ROBO1: variants seen among roughly 807,000 people sequenced by gnomAD.
ROBO1 encodes roundabout guidance receptor 1, also known as roundabout homolog 1.
In ROBO1, 149 loss-of-function variants were observed where a neutral mutation model predicts 195.9. The observed-to-expected ratio is 0.76, with a 90% CI of 0.67 to 0.87. The LOEUF (loss-of-function observed/expected upper bound fraction) is 0.87. Ranked by LOEUF, ROBO1 falls within the 40% of genes least tolerant of loss-of-function variation. The pLI is 0.00. For synonymous variants in ROBO1, 816 were observed against 733.2 expected, an observed-to-expected ratio of 1.11 and a Z score of -1.82; for missense variants, 1,933 against 2,068.3, an observed-to-expected ratio of 0.93 and a Z score of 1.27.
chr3:79,404,290 T>C (rs925837345), intron 2 of ROBO1, among the ~76,000 whole-genome samples: 1 of 152,122 alleles, frequency 6.6e-6, no homozygotes, highest in Admixed American at 6.6e-5. Context: ...CATTTACTTT[T>C]CCTTCATCTG....
intron 14 of ROBO1, 68 bp from the exon 15 acceptor site, chr3:78,662,182 AAAC>A: frequency 6.8e-7 from 1 of 1,469,402 alleles, no homozygotes; most frequent in Non-Finnish European, 9.2e-7. Flanking sequence ...AAGCATGGTG[AAAC>A]AAACTGTTCA....
rs202246939 is a variant in ROBO1, at chr3:78,634,013, T to C, written c.3403A>G (p.Thr1135Ala). Reference protein sequence around the residue: ...DYRANDTVPPTIPYNQSYDQN... With the variant: ...DYRANDTVPPAIPYNQSYDQN... ...TCGTATGATTGGTTGTATGGGATAG[T>C]TGGAGGAACTGTGTCATTTGCTCGA... Residue 1135 changes from threonine (T) to alanine (A), a missense_variant, in exon 24 of 31, where the codon ACT (threonine) becomes GCT (alanine). This residue lies in a region of ROBO1 where 1,737 missense variants were observed against 1,882.5 expected (regional missense o/e 0.92). Coordinates refer to ENST00000464233, the MANE Select transcript of ROBO1 (RefSeq NM_002941.4). 1.1e-4 allele frequency: 184 copies of C among 1,611,396 alleles called. 3 individuals are homozygous for C. The South Asian group carries it at 1.6e-3, about 14-fold the overall frequency.
intron 4 of ROBO1, among the ~76,000 whole-genome samples, chr3:78,903,781 T>C (rs2037729525): frequency 6.6e-6 from 1 of 152,150 alleles, no homozygotes; most frequent in Non-Finnish European, 1.5e-5. Context: ...TCCATTCTTT[T>C]CTATATGTTT....
intron 1 of ROBO1, among the ~76,000 whole-genome samples, chr3:79,649,095 A>G (rs1294098088): frequency 6.6e-6 from 1 of 152,076 alleles, no homozygotes; most frequent in African/African-American, 2.4e-5. Context: ...CCCCACTTCA[A>G]ATCTATTATG....
intron 2 of ROBO1, among the ~76,000 whole-genome samples, chr3:79,286,850 A>C (rs2031917181): frequency 6.6e-6 from 1 of 152,214 alleles, no homozygotes; most frequent in Non-Finnish European, 1.5e-5. Context: ...GTAAGGATTT[A>C]ATTACATGGT....
chr3:79,577,760 A>ACACACAC (rs1560010007), intron 2 of ROBO1, among the ~76,000 whole-genome samples: 1 of 148,314 alleles, frequency 6.7e-6, no homozygotes, highest in South Asian at 2.1e-4. Flanking sequence ...ACACACACAC[A>ACACACAC]AAATTGCTGG....
At chr3:78,643,728 A>G (rs1203140271) in intron 21 of ROBO1, among the ~76,000 whole-genome samples, 2 of 152,184 alleles carry the variant, frequency 1.3e-5, no homozygotes, top group Non-Finnish European at 2.9e-5. Flanking sequence ...AACATGATCA[A>G]TATGCATTTC....
chr3:79,250,113 A>C (rs1340972756), intron 2 of ROBO1, among the ~76,000 whole-genome samples: 3 of 152,192 alleles, frequency 2.0e-5, no homozygotes, highest in Non-Finnish European at 4.4e-5. Flanking sequence ...TACAGATTGA[A>C]GACTGAATTA....
intron 18 of ROBO1, 77 bp from the exon 19 acceptor site, chr3:78,652,006 A>T: frequency 8.9e-7 from 1 of 1,121,040 alleles, no homozygotes; most frequent in Non-Finnish European, 1.3e-6. Context: ...GGCTGCCATT[A>T]CTTTGTTAAT....
At chr3:79,191,324 A>G (rs539697432) in intron 2 of ROBO1, among the ~76,000 whole-genome samples, 2 of 151,652 alleles carry the variant, frequency 1.3e-5, no homozygotes, top group East Asian at 3.9e-4. Flanking sequence ...AGAAGTGAAG[A>G]AGACATGAAT....
intron 2 of ROBO1, among the ~76,000 whole-genome samples, chr3:79,233,172 A>G (rs1270811295): frequency 1.3e-5 from 2 of 152,094 alleles, no homozygotes; most frequent in East Asian, 3.9e-4. Context: ...GAAAGATAAA[A>G]AGAGGAGGAG....
intron 3 of ROBO1, among the ~76,000 whole-genome samples, chr3:79,077,189 A>G (rs945654579): frequency 6.6e-6 from 1 of 151,718 alleles, no homozygotes; most frequent in Non-Finnish European, 1.5e-5. Flanking sequence ...ACATCTCCCC[A>G]TTTCTTCCAC....
At chr3:78,715,541 A>G (rs1287792053) in intron 7 of ROBO1, among the ~76,000 whole-genome samples, 4 of 151,996 alleles carry the variant, frequency 2.6e-5, no homozygotes, top group Admixed American at 1.3e-4. Flanking sequence ...TCTTCTTATT[A>G]TTTTTTTGGA....
At chr3:79,344,972 T>C (rs991501749) in intron 2 of ROBO1, among the ~76,000 whole-genome samples, 3 of 152,150 alleles carry the variant, frequency 2.0e-5, no homozygotes, top group Admixed American at 6.6e-5. Context: ...CCTTCCACCA[T>C]GATTATAAGT....
At chr3:79,495,668 G>A (rs1022712982) in intron 2 of ROBO1, among the ~76,000 whole-genome samples, 13 of 151,942 alleles carry the variant, frequency 8.6e-5, no homozygotes, top group Admixed American at 5.2e-4. Flanking sequence ...TGATACATGC[G>A]GTTAAAATGA....
chr3:79,688,087 G>A (rs1947184102), intron 1 of ROBO1, among the ~76,000 whole-genome samples: 1 of 151,870 alleles, frequency 6.6e-6, no homozygotes, highest in Non-Finnish European at 1.5e-5. Context: ...GATGAAGCTG[G>A]AAACCATCAT....
intron 4 of ROBO1, among the ~76,000 whole-genome samples, chr3:78,834,919 T>C (rs1435109803): frequency 6.6e-6 from 1 of 152,192 alleles, no homozygotes; most frequent in Non-Finnish European, 1.5e-5. Context: ...TTCTACAATG[T>C]AAACTTTTGC....
At chr3:79,657,555 A>G (rs1946204881) in intron 1 of ROBO1, among the ~76,000 whole-genome samples, 1 of 152,108 alleles carries the variant, frequency 6.6e-6, no homozygotes. Context: ...ATAAAAATTA[A>G]TGAGATTATG....
At chr3:79,229,948 T>C (rs1187896757) in intron 2 of ROBO1, among the ~76,000 whole-genome samples, 1 of 152,182 alleles carries the variant, frequency 6.6e-6, no homozygotes, top group Non-Finnish European at 1.5e-5. Flanking sequence ...CGACTCTTTC[T>C]TTCAGTATAC....
Sources: gnomAD v4.1 joint callset for allele counts (sites outside exome capture counted in the v4.1 genomes callset) on GRCh38, gnomAD v4.1.1 for gene constraint, gnomAD v4.1.1 regional missense constraint, MANE v1.5 for transcripts, NCBI Gene and HGNC (gene_info 2026-07-23, HGNC 2026-07-21) for gene names.